Variants in SELP observed in about 807,000 individuals in gnomAD.
The protein encoded by SELP is P-selectin.
In SELP, 92 loss-of-function variants were observed where a neutral mutation model predicts 104.1. That is an observed-to-expected ratio of 0.88 (90% CI 0.75 to 1.05). SELP has a LOEUF of 1.05. Among genes scored for constraint, SELP ranks in the 50% least tolerant of loss-of-function variants. The pLI, the probability that SELP is intolerant of heterozygous loss-of-function variation, is 0.00. For missense variants in SELP, 1,022 were observed against 1,017.3 expected, an observed-to-expected ratio of 1.00 and a Z score of -0.06; for synonymous variants, 397 against 364.5, an observed-to-expected ratio of 1.09 and a Z score of -1.01.
At chr1:169,615,695 A>G (rs1391788322) in intron 3 of SELP, among the ~76,000 whole-genome samples, 2 of 152,146 alleles carry the variant, frequency 1.3e-5, no homozygotes, top group African/African-American at 4.8e-5. Flanking sequence ...TGCTCAATTA[A>G]TCAATTTATT....
intron 8 of SELP, among the ~76,000 whole-genome samples, chr1:169,607,622 G>C: frequency 1.3e-5 from 2 of 152,122 alleles, no homozygotes; most frequent in Middle Eastern, 3.4e-3. Context: ...AAAAATCAGA[G>C]TAAAAATTAT....
Position 169,601,143 on chromosome 1 carries a change from A to G in SELP, c.1705+1883T>C, listed in dbSNP as rs1661891645. On this transcript the variant is annotated intron_variant, in intron 10 of 16. Coordinates refer to ENST00000263686, the MANE Select transcript of SELP (RefSeq NM_003005.4). ...TGTGGGAAAATAGAACTTATGAGAA[A>G]TGTCAATGGAATAAATGAATAAGAG... is the stretch of plus-strand genomic sequence containing the variant. Among the ~76,000 whole-genome samples, 6 of 152,222 alleles carry G rather than the reference A, an allele frequency of 3.9e-5. No homozygotes were observed. The South Asian group carries it at 1.0e-3, about 26-fold the overall frequency.
At chr1:169,611,388 C>T in intron 7 of SELP, 104 bp downstream of exon 7, 1 of 1,190,336 alleles carries the variant, frequency 8.4e-7, no homozygotes, top group Non-Finnish European at 1.2e-6. Context: ...TGCTCTAGTG[C>T]AAGAACTTAG....
At chr1:169,593,935 C>T (rs558853659) in intron 13 of SELP, among the ~76,000 whole-genome samples, 2 of 152,220 alleles carry the variant, frequency 1.3e-5, no homozygotes, top group Non-Finnish European at 2.9e-5. Flanking sequence ...TTATTTTATT[C>T]CTAAGGCTTA....
intron 1 of SELP, among the ~76,000 whole-genome samples, chr1:169,626,408 C>G (rs575829899): frequency 1.3e-5 from 2 of 152,304 alleles, no homozygotes; most frequent in Admixed American, 1.3e-4. Flanking sequence ...ATGGCGAAAC[C>G]AACTCCACTA....
chr1:169,596,548 G>A (rs889208414), intron 11 of SELP, among the ~76,000 whole-genome samples: 1 of 152,206 alleles, frequency 6.6e-6, no homozygotes, highest in African/African-American at 2.4e-5. Flanking sequence ...TGCAATGATT[G>A]CTTTCTGTCT....
At chr1:169,606,799 G>A in intron 9 of SELP, 150 bp downstream of exon 9, 2 of 701,330 alleles carry the variant, frequency 2.9e-6, no homozygotes, top group Non-Finnish European at 4.7e-6. Context: ...GGGATCCTTG[G>A]GTTATAGGAC....
rs1025689058 is a variant in SELP at position 169,603,297 on chromosome 1, C to A, written c.1520-86G>T. 58 of 672,354 alleles carry A rather than the reference C, an allele frequency of 8.6e-5. No individual in the cohort carries two copies. The South Asian group carries it at 1.2e-3, about 14-fold the overall frequency. The allele number at this position is 672,354 out of a possible 1,614,324, so 41.6% of individuals were successfully genotyped here. A position where few individuals can be genotyped will look rare whatever the true frequency, so the allele number is the denominator to read the frequency against. On this transcript the variant is annotated intron_variant, in intron 9 of 16. Transcript: ENST00000263686. ...TCTGTAACTCTCTCTCTCTTTCTCC[C>A]TCTCTCTCTCTGTGTGTGTGTGTGT...
chr1:169,617,045 T>G lies in SELP; in HGVS notation c.464A>C (p.His155Pro), dbSNP rs780220048. The G allele has an allele frequency of 2.5e-6, 4 of 1,611,042 alleles. No individual in the cohort carries two copies. The highest frequency in any genetic ancestry group is 3.4e-6 in the Non-Finnish European group (4 of 1,178,308). Residue 155 changes from histidine to proline, a missense_variant, in exon 3 of 17, where the codon CAC becomes CCC. By Grantham distance (77) the His-to-Pro change is moderately conservative (BLOSUM62 -2). Transcript: ENST00000263686. ...WNDEHCLKKKHALCYTASCQD... is the reference protein window; with the variant it reads ...WNDEHCLKKKPALCYTASCQD... ...GGCCCTACCTGTGTAACACAATGCG[T>G]GCTTTTTCTTCAAGCAGTGCTCATC...
chr1:169,617,956 AT>A (rs748858096), intron 2 of SELP, among the ~76,000 whole-genome samples: 14 of 152,096 alleles, frequency 9.2e-5, no homozygotes, highest in Non-Finnish European at 1.9e-4. Context: ...CTCTCTTCTT[AT>A]GTCTGATAAA....
At chr1:169,619,247 T>C (rs1662974017) in intron 1 of SELP, 28 bp from the exon 2 acceptor site, 4 of 1,548,418 alleles carry the variant, frequency 2.6e-6, no homozygotes, top group Non-Finnish European at 1.8e-6. Flanking sequence ...AACTTTCTTT[T>C]AGTATCCATA....
At chr1:169,629,101 A>G (rs1276568837) in intron 1 of SELP, among the ~76,000 whole-genome samples, 3 of 152,220 alleles carry the variant, frequency 2.0e-5, no homozygotes, top group Admixed American at 2.0e-4. Flanking sequence ...ACTATGTGGG[A>G]TACTCTTGGA....
At chr1:169,604,057 A>T (rs539344421) in intron 9 of SELP, among the ~76,000 whole-genome samples, 108 of 152,332 alleles carry the variant, frequency 7.1e-4, no homozygotes, top group Middle Eastern at 3.4e-3. Flanking sequence ...ACTAGTTTAC[A>T]GTCCCACCAA....
At chr1:169,596,708 A>T (rs1329675853) in intron 11 of SELP, among the ~76,000 whole-genome samples, 1 of 152,234 alleles carries the variant, frequency 6.6e-6, no homozygotes, top group East Asian at 1.9e-4. Flanking sequence ...TGTTTCTCTC[A>T]GCAATAAATT....
intron 15 of SELP, among the ~76,000 whole-genome samples, chr1:169,590,822 G>A (rs933548983): frequency 2.0e-5 from 3 of 152,150 alleles, no homozygotes; most frequent in Non-Finnish European, 2.9e-5. Flanking sequence ...TAAATAGCAA[G>A]GGGTACAGGA....
In SELP at chr1:169,594,807, G is replaced by C. The variant is rs372425190; in HGVS notation, c.2172C>G (p.Phe724Leu). Residue 724 changes from phenylalanine (F) to leucine (L), a missense_variant, in exon 13 of 17, where the codon TTC (phenylalanine) becomes TTG (leucine). By Grantham distance (22) the Phe-to-Leu change is conservative (BLOSUM62 0). Coordinates refer to ENST00000263686, the MANE Select transcript of SELP (RefSeq NM_003005.4). ...GGAAAGAGCAGATTGATCCATAACTGAAGTTTCCCCAGAGGTTGGAGCAGT... is the reference window on the plus strand; with the variant it reads ...GGAAAGAGCAGATTGATCCATAACTCAAGTTTCCCCAGAGGTTGGAGCAGT... ...AMNCSNLWGN[F>L]SYGSICSFHC... 6 of 1,613,840 alleles carry C rather than the reference G, an allele frequency of 3.7e-6. No individual in the cohort carries two copies. Among genetic ancestry groups the C allele is most frequent in the Non-Finnish European group, 5.1e-6 (6 of 1,179,818 alleles).
chr1:169,599,830 G>A (rs575420474), intron 10 of SELP, among the ~76,000 whole-genome samples: 1 of 152,142 alleles, frequency 6.6e-6, no homozygotes, highest in Non-Finnish European at 1.5e-5. Context: ...TGAGTAAGCA[G>A]GCACATGGCA....
chr1:169,594,920 G>C (rs1362431458), intron 12 of SELP, 43 bp from the exon 13 acceptor site: 1 of 1,552,876 alleles, frequency 6.4e-7, no homozygotes, highest in African/African-American at 1.4e-5. Context: ...ATGTGGATTG[G>C]AGGTGAAAGA....
chr1:169,616,758 C>T (rs1000329474), intron 3 of SELP, among the ~76,000 whole-genome samples: 6 of 152,158 alleles, frequency 3.9e-5, no homozygotes, highest in African/African-American at 1.4e-4. Flanking sequence ...AAACTAAAAC[C>T]TCGTGAGTGT....
Sources: allele counts gnomAD v4.1 joint callset (sites outside exome capture counted in the v4.1 genomes callset), GRCh38; gene constraint gnomAD v4.1.1; transcripts MANE v1.5; gene names NCBI Gene and HGNC (gene_info 2026-07-23, HGNC 2026-07-21).